IL1RAPL2: variants seen among roughly 807,000 people sequenced by gnomAD.
The protein encoded by IL1RAPL2 is X-linked interleukin-1 receptor accessory protein-like 2.
IL1RAPL2 carries 3 observed loss-of-function variants against 44.1 expected under a neutral mutation model. The ratio of observed to expected loss-of-function variants is 0.07; its 90% CI spans 0.03 to 0.18. IL1RAPL2 has a LOEUF of 0.18. Ranked by LOEUF, IL1RAPL2 falls within the 10% of genes least tolerant of loss-of-function variation. The pLI is 1.00. For synonymous variants in IL1RAPL2, 181 were observed against 178.8 expected, an observed-to-expected ratio of 1.01 and a Z score of -0.10; for missense variants, 391 against 496.4, an observed-to-expected ratio of 0.79 and a Z score of 2.02.
intron 2 of IL1RAPL2, among the ~76,000 whole-genome samples, chrX:105,159,984 C>CA (rs1297457481): frequency 3.4e-4 from 23 of 68,280 alleles, no homozygotes; most frequent in Non-Finnish European, 5.1e-4. Flanking sequence ...CTTAAAGAAC[C>CA]CCCCCCCCCA....
chrX:105,656,262 T>G (rs1423292657), intron 6 of IL1RAPL2, among the ~76,000 whole-genome samples: 2 of 111,944 alleles, frequency 1.8e-5, no homozygotes, highest in African/African-American at 6.5e-5. Flanking sequence ...TAAAAATCTT[T>G]TATTGTTGTA....
At chrX:105,490,305 T>C (rs1215462218) in intron 6 of IL1RAPL2, among the ~76,000 whole-genome samples, 1 of 112,296 alleles carries the variant, frequency 8.9e-6, no homozygotes, top group African/African-American at 3.2e-5. Context: ...TGGGTTACTT[T>C]TGATGTTTCA....
At chrX:105,558,455 G>A (rs1428693687) in intron 6 of IL1RAPL2, among the ~76,000 whole-genome samples, 1 of 111,446 alleles carries the variant, frequency 9.0e-6, no homozygotes, top group Non-Finnish European at 1.9e-5. Flanking sequence ...GCAACTTCTT[G>A]ATTGTCCAGA....
intron 6 of IL1RAPL2, among the ~76,000 whole-genome samples, chrX:105,525,106 C>A (rs2036587225): frequency 9.0e-6 from 1 of 111,106 alleles, no homozygotes; most frequent in Non-Finnish European, 1.9e-5. Context: ...TTATCACTTG[C>A]ATGTTGTGAT....
intron 2 of IL1RAPL2, among the ~76,000 whole-genome samples, chrX:105,134,606 A>G (rs1286254069): frequency 9.0e-6 from 1 of 111,507 alleles, no homozygotes. Flanking sequence ...CAGGAGCCAG[A>G]TATCTGAGGG....
At chrX:105,696,466 T>C (rs1418270109) in intron 6 of IL1RAPL2, among the ~76,000 whole-genome samples, 1 of 111,432 alleles carries the variant, frequency 9.0e-6, no homozygotes, top group Non-Finnish European at 1.9e-5. Flanking sequence ...TGTTTAGGAC[T>C]GGTAATACTT....
chrX:105,755,987 A>T (rs1475992588), intron 10 of IL1RAPL2, among the ~76,000 whole-genome samples: 1 of 111,942 alleles, frequency 8.9e-6, no homozygotes, highest in Non-Finnish European at 1.9e-5. Context: ...TCCCATTAAC[A>T]TCCAGAGTGC....
intron 2 of IL1RAPL2, among the ~76,000 whole-genome samples, chrX:104,923,227 A>G (rs896603678): frequency 8.0e-5 from 9 of 112,252 alleles, no homozygotes; most frequent in Non-Finnish European, 1.1e-4. Context: ...AAGTTTGGAA[A>G]ACGTATTTTA....
chrX:105,462,237 T>C (rs1429656740), intron 5 of IL1RAPL2, among the ~76,000 whole-genome samples: 3 of 111,348 alleles, frequency 2.7e-5, no homozygotes, highest in African/African-American at 9.8e-5. Flanking sequence ...TAGATAGAGA[T>C]TAATATCTCA....
intron 3 of IL1RAPL2, among the ~76,000 whole-genome samples, chrX:105,224,069 A>G (rs73534073): frequency 0.095 from 10,513 of 110,246 alleles, 1,334 homozygotes; most frequent in African/African-American, 0.33. Context: ...CTTGTGCTTC[A>G]ATAAAATTGC....
At chrX:105,710,976 G>T (rs1046328596) in intron 6 of IL1RAPL2, among the ~76,000 whole-genome samples, 1 of 105,819 alleles carries the variant, frequency 9.5e-6, no homozygotes, top group African/African-American at 3.4e-5. Flanking sequence ...GTGTGCATAT[G>T]TATGTGTATA....
intron 2 of IL1RAPL2, among the ~76,000 whole-genome samples, chrX:104,954,538 CTTTTTTTCTTTTT>C (rs1449468399): frequency 1.7e-4 from 19 of 109,792 alleles, no homozygotes; most frequent in Admixed American, 1.6e-3. Context: ...TCTTTCTTTT[CTTTTTTTCTTTTT>C]TCTTTTTGGA....
chrX:105,061,621 G>T (rs755992057), intron 2 of IL1RAPL2, among the ~76,000 whole-genome samples: 40 of 111,985 alleles, frequency 3.6e-4, no homozygotes, highest in Admixed American at 1.1e-3. Context: ...AATCAACAAT[G>T]ATGAAAGTGC....
intron 2 of IL1RAPL2, among the ~76,000 whole-genome samples, chrX:105,110,271 C>T (rs1300032205): frequency 3.6e-5 from 4 of 112,108 alleles, no homozygotes; most frequent in Non-Finnish European, 7.5e-5. Context: ...AAAGGGAGAA[C>T]GACCCTTTGG....
intron 2 of IL1RAPL2, among the ~76,000 whole-genome samples, chrX:104,841,475 C>T (rs887797984): frequency 8.9e-6 from 1 of 111,848 alleles, no homozygotes; most frequent in South Asian, 3.7e-4. Flanking sequence ...GCAGTTTCTT[C>T]GTAGTGTCAT....
At chrX:105,611,926 G>T (rs1278862998) in intron 6 of IL1RAPL2, among the ~76,000 whole-genome samples, 2 of 111,259 alleles carry the variant, frequency 1.8e-5, no homozygotes, top group Non-Finnish European at 3.8e-5. Context: ...GGGCATTTGG[G>T]TATTCTCTAG....
intron 5 of IL1RAPL2, chrX:105,405,699 A>G (rs968464450): frequency 5.1e-6 from 5 of 984,716 alleles, no homozygotes; most frequent in Non-Finnish European, 7.3e-6. Context: ...GGAAAGAGTA[A>G]GAGACTTAAA....
chrX:104,609,950 C>G (rs1438247266), intron 1 of IL1RAPL2, among the ~76,000 whole-genome samples: 5 of 111,803 alleles, frequency 4.5e-5, no homozygotes, highest in Admixed American at 9.6e-5. Context: ...TTGGAATTTT[C>G]AGCCATTTTG....
intron 2 of IL1RAPL2, among the ~76,000 whole-genome samples, chrX:105,137,194 A>G (rs1190703617): frequency 8.9e-6 from 1 of 112,375 alleles, no homozygotes; most frequent in African/African-American, 3.2e-5. Flanking sequence ...GTCCAATGTA[A>G]TAGCTACTAA....
Sources: gnomAD v4.1 joint callset for allele counts (sites outside exome capture counted in the v4.1 genomes callset) on GRCh38, gnomAD v4.1.1 for gene constraint, MANE v1.5 for transcripts, NCBI Gene and HGNC (gene_info 2026-07-23, HGNC 2026-07-21) for gene names.